Variants in ZEB2 observed in about 807,000 individuals in gnomAD.
ZEB2 encodes the protein zinc finger E-box binding homeobox 2.
Under a neutral mutation model 99.9 loss-of-function variants are expected in ZEB2, and 6 were observed. The observed-to-expected ratio is 0.06, with a 90% CI of 0.03 to 0.12. The LOEUF (loss-of-function observed/expected upper bound fraction) is 0.12. Among genes scored for constraint, ZEB2 ranks in the 10% least tolerant of loss-of-function variants. ZEB2 has a pLI of 1.00. For missense variants in ZEB2, 969 were observed against 1,502.8 expected, an observed-to-expected ratio of 0.64 and a Z score of 5.87; for synonymous variants, 517 against 542.5, an observed-to-expected ratio of 0.95 and a Z score of 0.65.
intron 2 of ZEB2, among the ~76,000 whole-genome samples, chr2:144,441,164 C>CGAGAGAGAGA (rs113731061): frequency 0.12 from 10,439 of 88,758 alleles, 1,340 homozygotes; most frequent in Non-Finnish European, 0.15. Flanking sequence ...TTTAGCTGCA[C>CGAGAGAGAGA]GAGAGAGAGA....
chr2:144,393,359 C>T (rs1360651117), intron 9 of ZEB2, among the ~76,000 whole-genome samples: 1 of 152,138 alleles, frequency 6.6e-6, no homozygotes, highest in Non-Finnish European at 1.5e-5. Flanking sequence ...TCATAATTTC[C>T]TTCTTAAGTT....
chr2:144,414,851 G>A (rs1029881907), intron 4 of ZEB2, among the ~76,000 whole-genome samples: 1 of 151,970 alleles, frequency 6.6e-6, no homozygotes, highest in Admixed American at 6.6e-5. Context: ...ATACTGAAAC[G>A]ATCACAATGA....
At chr2:144,454,846 C>G (rs748918285) in intron 2 of ZEB2, among the ~76,000 whole-genome samples, 1 of 152,108 alleles carries the variant, frequency 6.6e-6, no homozygotes. Context: ...AATGTACACA[C>G]ATGGGTGTGC....
At chr2:144,411,611 C>T (rs1336971434) in intron 4 of ZEB2, among the ~76,000 whole-genome samples, 1 of 152,198 alleles carries the variant, frequency 6.6e-6, no homozygotes, top group Non-Finnish European at 1.5e-5. Flanking sequence ...GAGCCTCCAG[C>T]TGGTACAGAG....
intron 2 of ZEB2, among the ~76,000 whole-genome samples, chr2:144,465,422 T>C (rs1033012616): frequency 6.6e-6 from 1 of 152,184 alleles, no homozygotes; most frequent in Non-Finnish European, 1.5e-5. Context: ...GATCTTGATG[T>C]GGTGGCAGCC....
Position 144,399,828 on chromosome 2 carries a change from C to T in ZEB2, c.1359G>A (p.Met453Ile). The change falls in exon 8 of 10, where the codon ATG becomes ATA. Residue 453 changes from methionine to isoleucine, a missense_variant. Physicochemically the swap from Met to Ile is conservative, Grantham distance 10 (BLOSUM62 1). Transcript: ENST00000627532. This position sits in a 1 kb window ranked among gnomAD's most constrained non-coding sequence, Gnocchi z 5.6. ...TTTGTACCTCACTTAAATTACTATT[C>T]ATGGTGGGAAACCCAAGTAAAGGGG... The part of the protein sequence containing the change: ...MEAPLLGFPT[M>I]NSNLSEVQKV... 2 of 1,614,188 alleles carry T rather than the reference C, an allele frequency of 1.2e-6. No individual in the cohort carries two copies. The highest frequency in any genetic ancestry group is 1.7e-6 in the Non-Finnish European group (2 of 1,180,034).
intron 2 of ZEB2, among the ~76,000 whole-genome samples, chr2:144,435,039 C>A (rs1351845564): frequency 6.6e-6 from 1 of 152,186 alleles, no homozygotes; most frequent in Non-Finnish European, 1.5e-5. Context: ...GGTGATGTAA[C>A]TGGTATAATC....
chr2:144,437,627 T>C (rs1162919027), intron 2 of ZEB2, among the ~76,000 whole-genome samples: 1 of 152,168 alleles, frequency 6.6e-6, no homozygotes, highest in Non-Finnish European at 1.5e-5. Context: ...AATAAGCTTC[T>C]GAGCCATCAA....
chr2:144,489,288 G>A (rs1374032562), intron 2 of ZEB2, among the ~76,000 whole-genome samples: 1 of 152,144 alleles, frequency 6.6e-6, no homozygotes, highest in Non-Finnish European at 1.5e-5. Context: ...AATCCACAGA[G>A]ATTTTTTCAG....
intron 4 of ZEB2, among the ~76,000 whole-genome samples, chr2:144,408,969 A>G (rs1161291141): frequency 6.6e-6 from 1 of 152,140 alleles, no homozygotes; most frequent in Non-Finnish European, 1.5e-5. Context: ...GACTGTAGCT[A>G]TAAAATGTGG....
chr2:144,509,522 C>T (rs1351609054), intron 2 of ZEB2, among the ~76,000 whole-genome samples: 1 of 152,166 alleles, frequency 6.6e-6, no homozygotes, highest in African/African-American at 2.4e-5. Context: ...AAATCTTCCA[C>T]AAGGGTTATT....
At chr2:144,440,513 ATATTTTTTTTTTTTTTTTTT>A (rs1223988676) in intron 2 of ZEB2, among the ~76,000 whole-genome samples, 53 of 24,098 alleles carry the variant, frequency 2.2e-3, no homozygotes, top group African/African-American at 5.0e-3. Context: ...ATATATATAT[ATATTTTTTTTTTTTTTTTTT>A]TTTTTTTTTA....
At chr2:144,443,896 C>T (rs1703949969) in intron 2 of ZEB2, among the ~76,000 whole-genome samples, 3 of 151,878 alleles carry the variant, frequency 2.0e-5, no homozygotes, top group African/African-American at 7.3e-5. Context: ...GTTCAGGACT[C>T]ATCATTTGAG....
At chr2:144,512,662 A>ACTGT (rs1255169063) in intron 2 of ZEB2, 23 of 1,287,142 alleles carry the variant, frequency 1.8e-5, no homozygotes, top group Non-Finnish European at 2.2e-5. Context: ...GTCCTGGTGG[A>ACTGT]CTGTCACTCT....
chr2:144,399,174 G>A lies in ZEB2; in HGVS notation c.2013C>T (p.Ser671=), dbSNP rs760022807. 8 of 1,614,026 alleles carry A rather than the reference G, an allele frequency of 5.0e-6. No homozygotes were observed. Among genetic ancestry groups the A allele is most frequent in the Admixed American group, 1.7e-5 (1 of 60,002 alleles). The change falls in exon 8 of 10, where the codon TCC becomes TCT. Residue 671 remains serine (S), a synonymous_variant. Coordinates refer to ENST00000627532, the MANE Select transcript of ZEB2 (RefSeq NM_014795.4). The surrounding 1 kb of genome is among the most constrained non-coding windows in gnomAD (Gnocchi z 5.6). ...AYYAMNMEPN[S]DELLKISIAV... ...CAATGGAAATTTTCAGCAGTTCATC[G>A]GAGTTGGGCTCCATGTTCATAGCAT...
chr2:144,409,440 T>C (rs771920950), intron 4 of ZEB2, among the ~76,000 whole-genome samples: 40 of 152,156 alleles, frequency 2.6e-4, no homozygotes, highest in Non-Finnish European at 5.1e-4. Flanking sequence ...AAAATCAACC[T>C]CATTTTCCTT....
At chr2:144,471,889 G>C (rs573513642) in intron 2 of ZEB2, among the ~76,000 whole-genome samples, 1 of 151,820 alleles carries the variant, frequency 6.6e-6, no homozygotes, top group Admixed American at 6.6e-5. Flanking sequence ...GGGTCTTAGA[G>C]GTATCTTAAC....
chr2:144,415,359 T>C (rs1703525988), intron 4 of ZEB2, among the ~76,000 whole-genome samples: 2 of 152,226 alleles, frequency 1.3e-5, no homozygotes, highest in Admixed American at 6.5e-5. Flanking sequence ...TTTGTGGTTA[T>C]AGTAAACAAG....
At chr2:144,405,184 G>A (rs1703370533) in intron 4 of ZEB2, 160 bp from the exon 5 acceptor site, 5 of 752,156 alleles carry the variant, frequency 6.6e-6, no homozygotes, top group Middle Eastern at 2.8e-4. Flanking sequence ...TTGACTGAAT[G>A]CTTATTCTTG....
Sources: allele counts gnomAD v4.1 joint callset (sites outside exome capture counted in the v4.1 genomes callset), GRCh38; gene constraint gnomAD v4.1.1; non-coding constraint Gnocchi (gnomAD v3.1); transcripts MANE v1.5; gene names NCBI Gene and HGNC (gene_info 2026-07-23, HGNC 2026-07-21).